The following DYNC1I1 variants were observed in gnomAD, a reference collection of about 807,000 sequenced individuals.
DYNC1I1 encodes the protein cytoplasmic dynein 1 intermediate chain 1.
Under a neutral mutation model 86.6 loss-of-function variants are expected in DYNC1I1, and 43 were observed. The observed-to-expected ratio is 0.50, with a 90% CI of 0.39 to 0.64. DYNC1I1 has a LOEUF of 0.64. Ranked by LOEUF, DYNC1I1 falls within the 30% of genes least tolerant of loss-of-function variation. DYNC1I1 has a pLI of 0.00. For synonymous variants in DYNC1I1, 262 were observed against 283.7 expected, an observed-to-expected ratio of 0.92 and a Z score of 0.77; for missense variants, 604 against 788.8, an observed-to-expected ratio of 0.77 and a Z score of 2.81.
At chr7:95,848,205 G>GT (rs1789484427) in intron 5 of DYNC1I1, among the ~76,000 whole-genome samples, 7 of 91,988 alleles carry the variant, frequency 7.6e-5, no homozygotes, top group South Asian at 3.7e-4. Flanking sequence ...TTGACTTACA[G>GT]TTGTTTTTTT....
At chr7:95,933,655 G>A (rs952606810) in intron 6 of DYNC1I1, among the ~76,000 whole-genome samples, 1 of 152,068 alleles carries the variant, frequency 6.6e-6, no homozygotes. Context: ...CACACCATTT[G>A]AATCCAAACC....
At chr7:95,974,441 C>T (rs934942919) in intron 6 of DYNC1I1, among the ~76,000 whole-genome samples, 1 of 152,116 alleles carries the variant, frequency 6.6e-6, no homozygotes, top group African/African-American at 2.4e-5. Context: ...GGTTATTTTA[C>T]TTAGTTATTC....
chr7:96,091,276 CT>C, intron 16 of DYNC1I1, among the ~76,000 whole-genome samples: 1 of 152,228 alleles, frequency 6.6e-6, no homozygotes, highest in Non-Finnish European at 1.5e-5. Flanking sequence ...GAAAGGAAAT[CT>C]GTAAGATATC....
downstream of DYNC1I1, among the ~76,000 whole-genome samples, chr7:96,099,109 A>T (rs544705498): frequency 6.6e-6 from 1 of 152,250 alleles, no homozygotes; most frequent in Non-Finnish European, 1.5e-5. Context: ...TGGGAAAAAA[A>T]GTTTCACAGA....
intron 6 of DYNC1I1, among the ~76,000 whole-genome samples, chr7:95,878,156 A>T (rs1356022335): frequency 6.6e-6 from 1 of 152,208 alleles, no homozygotes; most frequent in African/African-American, 2.4e-5. Context: ...TTAAAAAAAG[A>T]AATTTGAGGC....
At chr7:95,883,650 G>A (rs12155512) in intron 6 of DYNC1I1, among the ~76,000 whole-genome samples, 71,569 of 152,016 alleles carry the variant, frequency 0.47, 19,447 homozygotes, top group Non-Finnish European at 0.63. Context: ...GACATGGATT[G>A]TATTTCAACA....
rs537981010 is a variant in DYNC1I1 at position 95,785,504 on chromosome 7, TC to T, written c.-10+12732del. Among the ~76,000 whole-genome samples, 445 of 152,144 alleles carry T rather than the reference TC, an allele frequency of 2.9e-3. 4 individuals are homozygous for T. Among genetic ancestry groups the T allele is most frequent in the African/African-American group, 0.01 (418 of 41,522 alleles). On this transcript the variant is annotated intron_variant, in intron 1 of 16. Coordinates refer to ENST00000447467, the MANE Select transcript of DYNC1I1 (RefSeq NM_001135556.2). The stretch of plus-strand genomic sequence containing the variant: ...ACCATGCATTTAATGGCTCATTCTT[TC>T]ACCAAATCCTTTATTCATTCATTCA...
At chr7:95,803,454 G>T (rs1794630026) in intron 1 of DYNC1I1, among the ~76,000 whole-genome samples, 1 of 152,202 alleles carries the variant, frequency 6.6e-6, no homozygotes, top group Non-Finnish European at 1.5e-5. Context: ...CAATCATTCT[G>T]ATTATTTCAC....
At chr7:95,827,875 G>A (rs1795236277) in intron 4 of DYNC1I1, among the ~76,000 whole-genome samples, 182 bp from the exon 5 acceptor site, 1 of 152,162 alleles carries the variant, frequency 6.6e-6, no homozygotes, top group African/African-American at 2.4e-5. Context: ...TTGCAGGAAA[G>A]GATGGCTCCT....
At chr7:95,796,946 C>G (rs1794452783) in intron 1 of DYNC1I1, among the ~76,000 whole-genome samples, 1 of 152,120 alleles carries the variant, frequency 6.6e-6, no homozygotes, top group Non-Finnish European at 1.5e-5. Context: ...TGCTGGTATT[C>G]TAACGTGATT....
At chr7:95,840,409 T>C (rs949027862) in intron 5 of DYNC1I1, among the ~76,000 whole-genome samples, 2 of 152,208 alleles carry the variant, frequency 1.3e-5, no homozygotes, top group African/African-American at 2.4e-5. Flanking sequence ...TTCAGGTCTA[T>C]TATTTCTATT....
rs544592902 is a variant in DYNC1I1, at chr7:95,915,663, G to T, written c.490+45665G>T. 6.6e-5 allele frequency among the ~76,000 whole-genome samples: 10 copies of T among 152,178 alleles called. No individual in the cohort carries two copies. The South Asian group carries it at 2.1e-3, about 32-fold the overall frequency. On this transcript the variant is annotated intron_variant, in intron 6 of 16. Coordinates refer to ENST00000447467, the MANE Select transcript of DYNC1I1 (RefSeq NM_001135556.2). ...ACTGTCTACAGGACTCTGGCAAATT[G>T]CTGTCAAATAAAAGTCATAAATTCA...
chr7:95,942,531 C>T (rs1336398073), intron 6 of DYNC1I1, among the ~76,000 whole-genome samples: 5 of 152,226 alleles, frequency 3.3e-5, no homozygotes, highest in Admixed American at 2.6e-4. Flanking sequence ...ATGAGGCCAG[C>T]ATCATCCTGA....
intron 10 of DYNC1I1, among the ~76,000 whole-genome samples, chr7:95,997,599 G>A (rs1793900964): frequency 6.6e-6 from 1 of 151,266 alleles, no homozygotes; most frequent in South Asian, 2.1e-4. Context: ...GTGTGTGTGT[G>A]TGTGTGTGTG....
chr7:95,804,653 G>A (rs570077914), intron 1 of DYNC1I1, 68 bp from the exon 2 acceptor site: 1 of 1,423,276 alleles, frequency 7.0e-7, no homozygotes, highest in African/African-American at 1.5e-5. Context: ...TCTTTAAAAT[G>A]ATTTTTGCAA....
intron 16 of DYNC1I1, 132 bp downstream of exon 16, chr7:96,080,620 C>G: frequency 1.3e-6 from 2 of 1,482,166 alleles, no homozygotes; most frequent in Non-Finnish European, 1.9e-6. Context: ...CCATTGACTT[C>G]AATGCTAGTT....
At chr7:95,934,239 G>A in intron 6 of DYNC1I1, among the ~76,000 whole-genome samples, 1 of 152,100 alleles carries the variant, frequency 6.6e-6, no homozygotes, top group Admixed American at 6.5e-5. Flanking sequence ...TTAATAGATG[G>A]TTACTGAGTA....
chr7:95,828,857 G>C (rs767667104), intron 5 of DYNC1I1, among the ~76,000 whole-genome samples: 13 of 152,078 alleles, frequency 8.5e-5, no homozygotes, highest in Non-Finnish European at 1.8e-4. Flanking sequence ...TATTACTGGT[G>C]GGGTGTTTGT....
intron 16 of DYNC1I1, among the ~76,000 whole-genome samples, chr7:96,092,196 G>T (rs1363957699): frequency 1.3e-5 from 2 of 150,368 alleles, no homozygotes; most frequent in African/African-American, 4.9e-5. Flanking sequence ...AAAAAAAAAA[G>T]TACAGCTCTA....
Sources: allele counts gnomAD v4.1 joint callset (sites outside exome capture counted in the v4.1 genomes callset), GRCh38; gene constraint gnomAD v4.1.1; transcripts MANE v1.5; gene names NCBI Gene and HGNC (gene_info 2026-07-23, HGNC 2026-07-21).